Variants in AOAH observed in about 807,000 individuals in gnomAD.
AOAH encodes acyloxyacyl hydrolase, also known as acyloxyacyl hydrolase (neutrophil).
In AOAH, 64 loss-of-function variants were observed where a neutral mutation model predicts 92.2. That is an observed-to-expected ratio of 0.69 (90% CI 0.57 to 0.86). The LOEUF is 0.86. Among genes scored for constraint, AOAH ranks in the 40% least tolerant of loss-of-function variants. The pLI is 0.00. For missense variants in AOAH, 656 were observed against 694.6 expected, an observed-to-expected ratio of 0.94 and a Z score of 0.62; for synonymous variants, 263 against 254.5, an observed-to-expected ratio of 1.03 and a Z score of -0.32.
At chr7:36,579,373 C>CG (rs1010877168) in intron 12 of AOAH, among the ~76,000 whole-genome samples, 1 of 66,196 alleles carries the variant, frequency 1.5e-5, no homozygotes, top group Non-Finnish European at 3.8e-5. Context: ...CTGAACCCCG[C>CG]CCCCCCCAAA....
In AOAH at chr7:36,724,244, CCTT is replaced by C; in HGVS notation, c.-99_-97del. On this transcript the variant is annotated 5_prime_UTR_variant, in exon 1 of 21. Coordinates refer to ENST00000617537, the MANE Select transcript of AOAH (RefSeq NM_001637.4). ...CTGCAGAATCAATTGATCTCTCTCT[CCTT>C]CTCTTCCTCACTCTCTTTGACACAC... The C allele has an allele frequency of 6.9e-7, 1 of 1,441,650 alleles. No homozygotes were observed. The highest frequency in any genetic ancestry group is 9.6e-7 in the Non-Finnish European group (1 of 1,040,912). 89.3% of individuals were successfully genotyped at this position (1,441,650 alleles called of 1,614,324 possible).
chr7:36,519,424 C>T (rs1783995452), intron 20 of AOAH, among the ~76,000 whole-genome samples: 1 of 152,178 alleles, frequency 6.6e-6, no homozygotes, highest in African/African-American at 2.4e-5. Context: ...ACATCACCTC[C>T]TCTGAAAACA....
At position 36,689,034 on chromosome 7, in the gene AOAH, G is replaced by A. The variant is rs137978625; in HGVS notation, c.128-2240C>T. 3.7e-3 allele frequency among the ~76,000 whole-genome samples: 557 copies of A among 152,210 alleles called. 1 individual carries two copies. Among genetic ancestry groups the A allele is most frequent in the African/African-American group, 0.012 (513 of 41,544 alleles). On this transcript the variant is annotated intron_variant, in intron 1 of 20. Coordinates refer to ENST00000617537, the MANE Select transcript of AOAH (RefSeq NM_001637.4). Reference sequence around the variant, plus strand: ...TCTCGAACTCCTGGCCTCAAGTGAAGAGCCACATAAGTTGCACTGCAGTGG... The same window carrying A: ...TCTCGAACTCCTGGCCTCAAGTGAAAAGCCACATAAGTTGCACTGCAGTGG...
At chr7:36,703,146 T>A (rs1798133892) in intron 1 of AOAH, among the ~76,000 whole-genome samples, 3 of 152,130 alleles carry the variant, frequency 2.0e-5, no homozygotes, top group Admixed American at 2.0e-4. Flanking sequence ...TAATTCAAGT[T>A]CTCTTGCCAT....
chr7:36,530,395 A>C, intron 19 of AOAH, 23 bp downstream of exon 19: 270 of 1,530,388 alleles, frequency 1.8e-4, no homozygotes, highest in Non-Finnish European at 2.3e-4. Context: ...ATCTTCTGTC[A>C]ATACCCAAAC....
At chr7:36,517,107 G>A (rs1343499670) in intron 20 of AOAH, among the ~76,000 whole-genome samples, 2 of 152,092 alleles carry the variant, frequency 1.3e-5, no homozygotes, top group Non-Finnish European at 2.9e-5. Flanking sequence ...TCCACGAGGC[G>A]CTGCACAGGG....
chr7:36,606,755 G>T (rs1324646254), intron 11 of AOAH, among the ~76,000 whole-genome samples: 1 of 151,974 alleles, frequency 6.6e-6, no homozygotes, highest in Non-Finnish European at 1.5e-5. Context: ...TCCCTTGAAA[G>T]AAAAGAAGAA....
In AOAH at chr7:36,671,468, GA is replaced by G. The variant is rs371751128; in HGVS notation, c.290+2474del. ...TGTTTTCCATCTAGATAGCAGCTTA[GA>G]AAAGTAAATGGATAATTCAGTTACA... On this transcript the variant is annotated intron_variant, in intron 3 of 20. Coordinates refer to ENST00000617537, the MANE Select transcript of AOAH (RefSeq NM_001637.4). 3.6e-4 allele frequency among the ~76,000 whole-genome samples: 55 copies of G among 152,318 alleles called. 1 individual carries two copies. The South Asian group carries it at 0.011, about 30-fold the overall frequency.
At chr7:36,519,224 G>A (rs781225637) in intron 20 of AOAH, among the ~76,000 whole-genome samples, 13 of 152,106 alleles carry the variant, frequency 8.5e-5, no homozygotes, top group African/African-American at 1.4e-4. Flanking sequence ...TCCTTAATAC[G>A]CGGTAGATTT....
chr7:36,624,547 T>C (rs1193145656), intron 6 of AOAH, among the ~76,000 whole-genome samples: 2 of 152,208 alleles, frequency 1.3e-5, no homozygotes, highest in Non-Finnish European at 2.9e-5. Flanking sequence ...TTCTACTCTA[T>C]ACTTTTGGGG....
At chr7:36,710,816 G>T (rs984254790) in intron 1 of AOAH, among the ~76,000 whole-genome samples, 2 of 152,156 alleles carry the variant, frequency 1.3e-5, no homozygotes, top group African/African-American at 4.8e-5. Context: ...AACTTCTGGA[G>T]CACAGTTTCT....
intron 1 of AOAH, among the ~76,000 whole-genome samples, chr7:36,712,327 A>G (rs1562722105): frequency 1.3e-5 from 2 of 152,290 alleles, no homozygotes; most frequent in Admixed American, 1.3e-4. Context: ...TTTATATTTA[A>G]CCAAATGTGA....
At chr7:36,706,232 G>C (rs1024957025) in intron 1 of AOAH, among the ~76,000 whole-genome samples, 1 of 152,126 alleles carries the variant, frequency 6.6e-6, no homozygotes, top group African/African-American at 2.4e-5. Context: ...CTACAGAATA[G>C]ATGTTGTGTT....
chr7:36,638,581 G>C (rs1227740120), intron 4 of AOAH, among the ~76,000 whole-genome samples: 6 of 152,156 alleles, frequency 3.9e-5, no homozygotes. Flanking sequence ...TATTTGTGGA[G>C]GGGTGGGAGA....
chr7:36,525,426 C>G (rs114747475), intron 19 of AOAH, among the ~76,000 whole-genome samples: 191 of 152,286 alleles, frequency 1.3e-3, no homozygotes, highest in African/African-American at 4.4e-3. Flanking sequence ...ATTTTGGCAT[C>G]TAGGCTTAAA....
chr7:36,556,772 T>G (rs1375781890), intron 13 of AOAH, among the ~76,000 whole-genome samples: 1 of 137,724 alleles, frequency 7.3e-6, no homozygotes, highest in South Asian at 2.5e-4. Flanking sequence ...CTTTGTTGGT[T>G]TAAAGTCTGT....
rs747596017 is a variant in AOAH at position 36,594,366 on chromosome 7, GCA to G, written c.909_910del (p.Ala304TyrfsTer11). 6.2e-7 allele frequency: 1 copy of G among 1,613,894 alleles called. No homozygotes were observed. Among genetic ancestry groups the G allele is most frequent in the Non-Finnish European group, 8.5e-7 (1 of 1,179,882 alleles). On this transcript the variant is annotated frameshift_variant, in exon 12 of 21. Coordinates refer to ENST00000617537, the MANE Select transcript of AOAH (RefSeq NM_001637.4). LOFTEE classifies it high-confidence loss of function. ...AACAGTGGAGTCCAGAAATCCTGTA[GCA>G]CCAGAGAGTTGGGGCCAGTCAAGCT...
rs375637039 is a variant in AOAH at position 36,540,368 on chromosome 7, T to A, written c.1257A>T (p.Pro419=). 2.1e-4 allele frequency: 341 copies of A among 1,613,926 alleles called. No homozygotes were observed. The highest frequency in any genetic ancestry group is 2.7e-4 in the Non-Finnish European group (315 of 1,179,942). Residue 419 remains proline, a synonymous_variant, in exon 16 of 21, where the codon CCA becomes CCT. Transcript: ENST00000617537. ...NGSHVILYGL[P]DGTFLWDNLH... ...AATTATCCCAGAGAAAGGTTCCATC[T>A]GGTAAGCCATACAAAATAACATGGC...
chr7:36,597,092 C>T (rs1226174566), intron 11 of AOAH, among the ~76,000 whole-genome samples: 2 of 152,046 alleles, frequency 1.3e-5, no homozygotes. Flanking sequence ...ATTTCCAGCA[C>T]GGTAGGGGCT....
Sources: gnomAD v4.1 joint callset for allele counts (sites outside exome capture counted in the v4.1 genomes callset) on GRCh38, gnomAD v4.1.1 for gene constraint, MANE v1.5 for transcripts, NCBI Gene and HGNC (gene_info 2026-07-23, HGNC 2026-07-21) for gene names.